Variants in IL1RAPL1 observed in about 807,000 individuals in gnomAD.
IL1RAPL1 encodes interleukin-1 receptor accessory protein-like 1.
In IL1RAPL1, 3 loss-of-function variants were observed where a neutral mutation model predicts 48.4. That is an observed-to-expected ratio of 0.06 (90% CI 0.03 to 0.16). IL1RAPL1 has a LOEUF of 0.16. Ranked by LOEUF, IL1RAPL1 falls within the 10% of genes least tolerant of loss-of-function variation. IL1RAPL1 has a pLI of 1.00. For missense variants in IL1RAPL1, 349 were observed against 530.6 expected (o/e 0.66, Z 3.36); for synonymous variants, 185 against 187.7 (o/e 0.99, Z 0.12).
At chrX:29,116,917 G>T (rs772465273) in intron 2 of IL1RAPL1, among the ~76,000 whole-genome samples, 10 of 111,674 alleles carry the variant, frequency 9.0e-5, no homozygotes, top group African/African-American at 3.2e-4. Context: ...TCATCTATAT[G>T]TGGTACTGAG....
At chrX:29,013,043 A>G (rs1926159994) in intron 2 of IL1RAPL1, among the ~76,000 whole-genome samples, 1 of 111,753 alleles carries the variant, frequency 8.9e-6, no homozygotes, top group Non-Finnish European at 1.9e-5. Context: ...ATCAAAGCAA[A>G]GGCTACCAAG....
chrX:29,500,809 CTT>C (rs2147759698), intron 5 of IL1RAPL1, among the ~76,000 whole-genome samples: 1 of 54,367 alleles, frequency 1.8e-5, no homozygotes, highest in Admixed American at 2.3e-4. Context: ...ATATATTTGT[CTT>C]TTTTCTTTTG....
intron 8 of IL1RAPL1, among the ~76,000 whole-genome samples, chrX:29,936,173 T>G (rs940690134): frequency 3.6e-5 from 4 of 110,456 alleles, no homozygotes; most frequent in African/African-American, 1.3e-4. Context: ...CTTTGTAGGC[T>G]GAGCATAATT....
At chrX:29,854,126 T>G (rs1931433287) in intron 6 of IL1RAPL1, among the ~76,000 whole-genome samples, 2 of 112,197 alleles carry the variant, frequency 1.8e-5, no homozygotes, top group Admixed American at 1.9e-4. Flanking sequence ...CCTGAAACAT[T>G]TCTGTAGTTA....
At chrX:28,846,681 T>C (rs528802538) in intron 2 of IL1RAPL1, among the ~76,000 whole-genome samples, 2 of 112,216 alleles carry the variant, frequency 1.8e-5, no homozygotes, top group Middle Eastern at 9.2e-3. Context: ...AAAAATCATA[T>C]AGCATTGGAA....
intron 2 of IL1RAPL1, among the ~76,000 whole-genome samples, chrX:29,151,844 A>G (rs1602083459): frequency 1.8e-5 from 2 of 111,330 alleles, no homozygotes; most frequent in Middle Eastern, 4.6e-3. Flanking sequence ...GGACTTAGAT[A>G]TGAAAGTTGG....
At chrX:29,113,116 GT>G (rs1928608744) in intron 2 of IL1RAPL1, among the ~76,000 whole-genome samples, 1 of 111,665 alleles carries the variant, frequency 9.0e-6, no homozygotes, top group Non-Finnish European at 1.9e-5. Flanking sequence ...CAGTCAGCAT[GT>G]CAACTTCTTA....
At chrX:29,385,138 G>A (rs989423842) in intron 3 of IL1RAPL1, among the ~76,000 whole-genome samples, 4 of 111,539 alleles carry the variant, frequency 3.6e-5, no homozygotes, top group Admixed American at 9.5e-5. Flanking sequence ...ATCTATTTCC[G>A]AAATTTTCCA....
intron 5 of IL1RAPL1, among the ~76,000 whole-genome samples, chrX:29,567,465 G>T (rs1239373749): frequency 3.6e-5 from 4 of 111,888 alleles, no homozygotes; most frequent in African/African-American, 1.3e-4. Context: ...TAGGATTCAT[G>T]TAACAATGCA....
chrX:28,915,498 C>T (rs760991102), intron 2 of IL1RAPL1, among the ~76,000 whole-genome samples: 21 of 111,760 alleles, frequency 1.9e-4, no homozygotes, highest in Non-Finnish European at 3.2e-4. Context: ...TTATTGAATG[C>T]GTATAACATC....
intron 6 of IL1RAPL1, among the ~76,000 whole-genome samples, chrX:29,882,201 C>T (rs989717414): frequency 1.8e-5 from 2 of 111,398 alleles, no homozygotes; most frequent in African/African-American, 6.5e-5. Flanking sequence ...CCAAGTATAT[C>T]CAGGGTCATC....
intron 2 of IL1RAPL1, among the ~76,000 whole-genome samples, chrX:29,196,666 C>T (rs1222618749): frequency 9.1e-6 from 1 of 109,973 alleles, no homozygotes; most frequent in Admixed American, 9.8e-5. Flanking sequence ...CAGACCTCCC[C>T]CACCACCCCT....
intron 2 of IL1RAPL1, among the ~76,000 whole-genome samples, chrX:28,928,511 A>G (rs766938003): frequency 2.9e-4 from 32 of 111,383 alleles, no homozygotes; most frequent in African/African-American, 1.0e-3. Flanking sequence ...CTAGCTTTTT[A>G]CCCCACGTCA....
At chrX:29,090,620 A>C (rs1215686525) in intron 2 of IL1RAPL1, among the ~76,000 whole-genome samples, 1 of 112,117 alleles carries the variant, frequency 8.9e-6, no homozygotes, top group Admixed American at 9.5e-5. Context: ...TTTTTCACCG[A>C]GTCTAAATGA....
chrX:29,118,890 A>T (rs1364571573), intron 2 of IL1RAPL1, among the ~76,000 whole-genome samples: 2 of 111,963 alleles, frequency 1.8e-5, no homozygotes. Flanking sequence ...GTTTGCTTTG[A>T]TTATACACAC....
chrX:29,767,481 T>C (rs2147149270), intron 6 of IL1RAPL1, among the ~76,000 whole-genome samples: 1 of 111,769 alleles, frequency 8.9e-6, no homozygotes, highest in Admixed American at 9.6e-5. Context: ...TGAAAGGAAA[T>C]AGAAACATGG....
intron 1 of IL1RAPL1, among the ~76,000 whole-genome samples, chrX:28,632,692 T>G: frequency 9.0e-6 from 1 of 111,525 alleles, no homozygotes; most frequent in Admixed American, 9.6e-5. Context: ...CATTACAAAT[T>G]AACATTATTT....
At chrX:29,312,674 CA>C (rs1932743444) in intron 3 of IL1RAPL1, among the ~76,000 whole-genome samples, 1 of 111,836 alleles carries the variant, frequency 8.9e-6, no homozygotes, top group Non-Finnish European at 1.9e-5. Context: ...CTAACTTCTT[CA>C]TACTCCAGTA....
In IL1RAPL1 at chrX:29,532,177, G is replaced by A. The variant is rs1390195352; in HGVS notation, c.703+132869G>A. 1.6e-4 allele frequency among the ~76,000 whole-genome samples: 18 copies of A among 111,785 alleles called. No homozygotes were observed. In the Admixed American group the frequency reaches 1.7e-3, roughly 11 times the overall value. Reference sequence around the variant, plus strand: ...TGTGCCTGAAAGGCTGCATTGGAGTGAGAGTGACCCGAGTGTTTATTTCCC... The same window carrying A: ...TGTGCCTGAAAGGCTGCATTGGAGTAAGAGTGACCCGAGTGTTTATTTCCC... On this transcript the variant is annotated intron_variant, in intron 5 of 10. Transcript: ENST00000378993.
Sources: allele counts gnomAD v4.1 joint callset (sites outside exome capture counted in the v4.1 genomes callset), GRCh38; gene constraint gnomAD v4.1.1; transcripts MANE v1.5; gene names NCBI Gene and HGNC (gene_info 2026-07-23, HGNC 2026-07-21).